The following RPE65 variants were observed in gnomAD, a reference collection of about 807,000 sequenced individuals.
The protein encoded by RPE65 is retinoid isomerohydrolase.
RPE65 carries 58 observed loss-of-function variants against 68.5 expected under a neutral mutation model. That is an observed-to-expected ratio of 0.85 (90% CI 0.69 to 1.05). The LOEUF is 1.05. RPE65 is among the 50% of genes least tolerant of loss of function. The probability of loss-of-function intolerance (pLI) is 0.00; values close to 1 mark genes in which losing one functional copy is unlikely to be tolerated. For synonymous variants in RPE65, 220 were observed against 222.2 expected (o/e 0.99, Z 0.09); for missense variants, 643 against 629.9 (o/e 1.02, Z -0.22).
intron 3 of RPE65, among the ~76,000 whole-genome samples, chr1:68,446,386 T>C (rs1645943437): frequency 6.6e-6 from 1 of 152,214 alleles, no homozygotes; most frequent in African/African-American, 2.4e-5. Context: ...GTAGATTCTA[T>C]TATTTCTCCC....
chr1:68,446,224 C>T (rs1645941902), intron 3 of RPE65, among the ~76,000 whole-genome samples: 1 of 152,046 alleles, frequency 6.6e-6, no homozygotes, highest in African/African-American at 2.4e-5. Flanking sequence ...ACCCCTTTCC[C>T]AGTGGCCTTT....
At chr1:68,430,206 C>A (rs180775036) in intron 13 of RPE65, among the ~76,000 whole-genome samples, 1 of 152,212 alleles carries the variant, frequency 6.6e-6, no homozygotes, top group East Asian at 1.9e-4. Context: ...ATGACTACAG[C>A]GTAGTAGGTA....
intron 10 of RPE65, among the ~76,000 whole-genome samples, chr1:68,437,875 A>C (rs1042719835): frequency 2.0e-5 from 3 of 152,212 alleles, no homozygotes; most frequent in Non-Finnish European, 2.9e-5. Flanking sequence ...TATCATAGGA[A>C]TCAGTGGATC....
Position 68,431,114 on chromosome 1 carries a change from T to G in RPE65, c.1401A>C (p.Pro467=), listed in dbSNP as rs1178109433. 4 of 1,613,858 alleles carry G rather than the reference T, an allele frequency of 2.5e-6. No homozygotes were observed. The highest frequency in any genetic ancestry group is 3.4e-6 in the Non-Finnish European group (4 of 1,179,814). Residue 467 remains proline (P), a synonymous_variant, in exon 13 of 14, where the codon CCA becomes CCC. Transcript: ENST00000262340. The part of the protein sequence containing the change: ...TWVWQEPDSY[P]SEPIFVSHPD... ...GGTGAGAAACAAAGATGGGTTCTGA[T>G]GGGTATGAATCAGGCTCTTGCCAAA...
intron 10 of RPE65, among the ~76,000 whole-genome samples, chr1:68,432,586 T>C (rs1013634117): frequency 2.0e-5 from 3 of 152,016 alleles, no homozygotes; most frequent in Admixed American, 6.6e-5. Context: ...GAGTCCAGTG[T>C]GGATTCTATC....
intron 10 of RPE65, among the ~76,000 whole-genome samples, chr1:68,433,680 T>C (rs891066471): frequency 6.6e-6 from 1 of 152,036 alleles, no homozygotes; most frequent in Non-Finnish European, 1.5e-5. Context: ...GCAGAAAGAT[T>C]TGTGGTCATG....
chr1:68,444,584 C>G lies in RPE65; in HGVS notation c.442G>C (p.Glu148Gln). The change falls in exon 5 of 14, where the codon GAG becomes CAG. Residue 148 changes from glutamate to glutamine, a missense_variant. Physicochemically the swap from Glu to Gln is conservative, Grantham distance 29. Coordinates refer to ENST00000262340, the MANE Select transcript of RPE65 (RefSeq NM_000329.3). ...PVGEDYYACT[E>Q]TNFITKINPE... ...TTAATCTTTGTAATAAAGTTGGTCT[C>G]TGTGCAAGCGTAGTAATCTTCCCCC... 1 of 1,614,124 alleles carries G rather than the reference C, an allele frequency of 6.2e-7. No individual in the cohort carries two copies. The highest frequency in any genetic ancestry group is 1.7e-5 in the Admixed American group (1 of 60,018).
At chr1:68,439,425 G>A in intron 7 of RPE65, 102 bp from the exon 8 acceptor site, 1 of 1,556,912 alleles carries the variant, frequency 6.4e-7, no homozygotes, top group South Asian at 1.1e-5. Flanking sequence ...AATCAACAGT[G>A]CCTACATGAA....
chr1:68,436,144 G>A (rs1271571841), intron 10 of RPE65, among the ~76,000 whole-genome samples: 3 of 152,116 alleles, frequency 2.0e-5, no homozygotes, highest in Admixed American at 6.5e-5. Context: ...TTTCCTTAAA[G>A]ATGATTGTGA....
At chr1:68,431,880 T>C (rs1425154841) in intron 10 of RPE65, among the ~76,000 whole-genome samples, 2 of 151,678 alleles carry the variant, frequency 1.3e-5, no homozygotes, top group African/African-American at 2.4e-5. Flanking sequence ...GAAAGGCCTC[T>C]GAAAAACAAA....
At chr1:68,436,467 TTTA>T (rs1645863670) in intron 10 of RPE65, among the ~76,000 whole-genome samples, 1 of 151,448 alleles carries the variant, frequency 6.6e-6, no homozygotes, top group Admixed American at 6.6e-5. Flanking sequence ...TATTTATTTA[TTTA>T]TTTATTTATT....
intron 2 of RPE65, among the ~76,000 whole-genome samples, chr1:68,447,311 C>T (rs1246167936): frequency 6.6e-6 from 1 of 152,118 alleles, no homozygotes; most frequent in Non-Finnish European, 1.5e-5. Context: ...AGAAAAAAGA[C>T]TATTTAAATG....
At chr1:68,435,017 C>G (rs1019829027) in intron 10 of RPE65, among the ~76,000 whole-genome samples, 1 of 152,218 alleles carries the variant, frequency 6.6e-6, no homozygotes, top group African/African-American at 2.4e-5. Context: ...ACTTCTGTCT[C>G]TCTCACTCTA....
At chr1:68,448,131 G>A (rs1345350113) in intron 2 of RPE65, among the ~76,000 whole-genome samples, 1 of 152,176 alleles carries the variant, frequency 6.6e-6, no homozygotes, top group Admixed American at 6.5e-5. Context: ...TGTAGGTAAG[G>A]GAATTGAGGC....
chr1:68,445,745 A>C (rs1645938122), intron 3 of RPE65, among the ~76,000 whole-genome samples: 2 of 152,000 alleles, frequency 1.3e-5, no homozygotes, highest in South Asian at 4.1e-4. Context: ...CAAACTCCTG[A>C]CCTCAAGTGA....
chr1:68,448,347 T>C (rs1457883018), intron 2 of RPE65, among the ~76,000 whole-genome samples: 1 of 152,228 alleles, frequency 6.6e-6, no homozygotes. Flanking sequence ...ACATTTACTA[T>C]GTGCCAGGCA....
rs1268184018 is a variant in RPE65, at chr1:68,432,085, G to A, written c.1129-500C>T. Among the ~76,000 whole-genome samples, 3 of 148,702 alleles carry A rather than the reference G, an allele frequency of 2.0e-5. No homozygotes were observed. In the Admixed American group the frequency reaches 2.0e-4, roughly 10 times the overall value. Reference sequence around the variant, plus strand: ...ACAAAAAGAAAAAAAAAAAACGCTGGACCATATGTTTCCTAAGATCTCTTG... The same window carrying A: ...ACAAAAAGAAAAAAAAAAAACGCTGAACCATATGTTTCCTAAGATCTCTTG... On this transcript the variant is annotated intron_variant, in intron 10 of 13. Coordinates refer to ENST00000262340, the MANE Select transcript of RPE65 (RefSeq NM_000329.3).
chr1:68,438,538 C>G (rs1645877064), intron 9 of RPE65, among the ~76,000 whole-genome samples: 1 of 152,038 alleles, frequency 6.6e-6, no homozygotes, highest in South Asian at 2.1e-4. Flanking sequence ...CCTTGAGATA[C>G]TTTCTGTTCT....
At chr1:68,438,096 G>T in intron 10 of RPE65, 91 bp downstream of exon 10, 2 of 1,506,512 alleles carry the variant, frequency 1.3e-6, no homozygotes, top group Non-Finnish European at 9.1e-7. Flanking sequence ...CAAATTTCAA[G>T]ACTTTATGTA....
Sources: allele counts gnomAD v4.1 joint callset (sites outside exome capture counted in the v4.1 genomes callset), GRCh38; gene constraint gnomAD v4.1.1; transcripts MANE v1.5; gene names NCBI Gene and HGNC (gene_info 2026-07-23, HGNC 2026-07-21).